The following NT5DC1 variants were observed in gnomAD, a reference collection of about 807,000 sequenced individuals.
NT5DC1 encodes the protein 5'-nucleotidase domain containing 1.
NT5DC1 carries 42 observed loss-of-function variants against 59.4 expected under a neutral mutation model. The ratio of observed to expected loss-of-function variants is 0.71; its 90% CI spans 0.55 to 0.92. The LOEUF is 0.92. Ranked by LOEUF, NT5DC1 falls within the 40% of genes least tolerant of loss-of-function variation. The pLI, the probability that NT5DC1 is intolerant of heterozygous loss-of-function variation, is 0.00. For missense variants in NT5DC1, 501 were observed against 537.1 expected (o/e 0.93, Z 0.66); for synonymous variants, 172 against 188.1 (o/e 0.91, Z 0.70).
chr6:116,101,076 G>A, intron 1 of NT5DC1, 53 bp downstream of exon 1: 1 of 1,348,082 alleles, frequency 7.4e-7, no homozygotes, highest in Non-Finnish European at 1.0e-6. Flanking sequence ...TGGCGGCTGG[G>A]GCTTGAGTTT....
chr6:116,151,209 T>C (rs781093003), intron 6 of NT5DC1, among the ~76,000 whole-genome samples: 6 of 152,278 alleles, frequency 3.9e-5, no homozygotes, highest in Admixed American at 2.6e-4. Context: ...CCATCACTTA[T>C]AAAATCCCAT....
chr6:116,225,172 T>C (rs1781883651), intron 8 of NT5DC1, among the ~76,000 whole-genome samples: 1 of 152,050 alleles, frequency 6.6e-6, no homozygotes, highest in Non-Finnish European at 1.5e-5. Context: ...GGAGTAGGGG[T>C]TATATCTGTT....
At chr6:116,215,053 C>A (rs1324751022) in intron 6 of NT5DC1, among the ~76,000 whole-genome samples, 1 of 152,016 alleles carries the variant, frequency 6.6e-6, no homozygotes, top group African/African-American at 2.4e-5. Flanking sequence ...CAGAATAGAA[C>A]CCAGTTATCA....
chr6:116,130,830 A>G (rs1306920851), intron 6 of NT5DC1, among the ~76,000 whole-genome samples: 1 of 152,012 alleles, frequency 6.6e-6, no homozygotes, highest in African/African-American at 2.4e-5. Context: ...ATTCCATGAT[A>G]CTCACAATTT....
intron 6 of NT5DC1, among the ~76,000 whole-genome samples, chr6:116,191,345 C>A (rs1230143995): frequency 1.3e-5 from 2 of 151,878 alleles, no homozygotes; most frequent in Non-Finnish European, 2.9e-5. Context: ...AACAAACAAA[C>A]AAAAGAAACC....
At chr6:116,124,355 A>G (rs1033745036) in intron 6 of NT5DC1, among the ~76,000 whole-genome samples, 20 of 152,184 alleles carry the variant, frequency 1.3e-4, no homozygotes, top group Non-Finnish European at 2.8e-4. Flanking sequence ...GATATTTTAT[A>G]GGCGGTCGTG....
Position 116,155,859 on chromosome 6 carries a change from A to T in NT5DC1, c.529+37914A>T, listed in dbSNP as rs776752107. On this transcript the variant is annotated intron_variant, in intron 6 of 11. Coordinates refer to ENST00000319550, the MANE Select transcript of NT5DC1 (RefSeq NM_152729.3). Reference sequence around the variant, plus strand: ...AGCAGATACAGAGCTTATACATTTTATGCTATCTTTTATATAAATGGAAGT... The same window carrying T: ...AGCAGATACAGAGCTTATACATTTTTTGCTATCTTTTATATAAATGGAAGT... Among the ~76,000 whole-genome samples the T allele has an allele frequency of 2.6e-5, 4 of 151,932 alleles. No homozygotes were observed. The East Asian group carries it at 5.8e-4, about 22-fold the overall frequency.
In NT5DC1 at chr6:116,199,013, T is replaced by A. The variant is rs144054138; in HGVS notation, c.530-22041T>A. Among the ~76,000 whole-genome samples the A allele has an allele frequency of 3.4e-3, 516 of 152,160 alleles. 4 individuals carry two copies. The highest frequency in any genetic ancestry group is 4.0e-3 in the Non-Finnish European group (273 of 67,966). On this transcript the variant is annotated intron_variant, in intron 6 of 11. Transcript: ENST00000319550. ...GGGTAATTCTTTGTTGGAGGAGCTG[T>A]TCTGTGCATTATATAATGTTTAGCA...
chr6:116,118,225 G>A, intron 6 of NT5DC1: 1 of 409,644 alleles, frequency 2.4e-6, no homozygotes, highest in Middle Eastern at 7.5e-4. Context: ...TTGAAGTCCA[G>A]TTTTGCTTTT....
At chr6:116,208,987 G>C (rs1482000861) in intron 6 of NT5DC1, among the ~76,000 whole-genome samples, 2 of 151,960 alleles carry the variant, frequency 1.3e-5, no homozygotes, top group Non-Finnish European at 2.9e-5. Flanking sequence ...TCTTTCATTA[G>C]TTTGATCACA....
intron 8 of NT5DC1, among the ~76,000 whole-genome samples, chr6:116,233,458 G>C (rs1437186143): frequency 1.3e-5 from 2 of 152,208 alleles, no homozygotes; most frequent in African/African-American, 4.8e-5. Context: ...TCCATCCTAA[G>C]TGAGAATTGT....
chr6:116,188,539 T>C (rs1781050925), intron 6 of NT5DC1, among the ~76,000 whole-genome samples: 1 of 152,012 alleles, frequency 6.6e-6, no homozygotes, highest in South Asian at 2.1e-4. Flanking sequence ...TAATACAGGA[T>C]ATACATATTC....
intron 3 of NT5DC1, among the ~76,000 whole-genome samples, chr6:116,109,936 G>A (rs758996681): frequency 3.9e-5 from 6 of 152,064 alleles, no homozygotes; most frequent in Non-Finnish European, 5.9e-5. Flanking sequence ...CCTTATCCTC[G>A]GAGGTTAGCT....
In NT5DC1 at chr6:116,121,686, G is replaced by C; in HGVS notation, c.529+3741G>C. The C allele has an allele frequency of 1.2e-6, 2 of 1,614,046 alleles. No homozygotes were observed. The highest frequency in any genetic ancestry group is 1.7e-6 in the Non-Finnish European group (2 of 1,179,998). The stretch of plus-strand genomic sequence containing the variant: ...ATTCCAGCCGGTCCAGGGATTCCAG[G>C]TGGTCCTGGTGGGCCCCGGGGTCCT... On this transcript the variant is annotated intron_variant, in intron 6 of 11. Coordinates refer to ENST00000319550, the MANE Select transcript of NT5DC1 (RefSeq NM_152729.3).
intron 4 of NT5DC1, among the ~76,000 whole-genome samples, chr6:116,111,521 A>T (rs1778874669): frequency 1.3e-5 from 2 of 152,246 alleles, no homozygotes; most frequent in Admixed American, 6.5e-5. Context: ...AATAGGGAAT[A>T]GTTAAATGTT....
chr6:116,182,039 C>T (rs552770698), intron 6 of NT5DC1, among the ~76,000 whole-genome samples: 21 of 152,064 alleles, frequency 1.4e-4, no homozygotes, highest in African/African-American at 5.1e-4. Flanking sequence ...CTTTCCTCCG[C>T]GTCCCCAAAG....
Position 116,146,924 on chromosome 6 carries a change from T to A in NT5DC1, c.529+28979T>A, listed in dbSNP as rs148936512. Among the ~76,000 whole-genome samples, 69 of 151,212 alleles carry A rather than the reference T, an allele frequency of 4.6e-4. 2 individuals carry two copies. Among genetic ancestry groups the A allele is most frequent in the Middle Eastern group, 3.4e-3 (1 of 290 alleles). On this transcript the variant is annotated intron_variant, in intron 6 of 11. Coordinates refer to ENST00000319550, the MANE Select transcript of NT5DC1 (RefSeq NM_152729.3). The stretch of plus-strand genomic sequence containing the variant: ...AAATTCCACAGAGATCAAAGGTCTA[T>A]GGATTAAAAAATAAATTATAAAACT...
intron 6 of NT5DC1, among the ~76,000 whole-genome samples, chr6:116,202,064 C>G (rs910898254): frequency 1.3e-5 from 2 of 151,864 alleles, no homozygotes; most frequent in Non-Finnish European, 2.9e-5. Flanking sequence ...ATGTGGCTAC[C>G]GAGCACTTGA....
At chr6:116,163,473 CTT>C (rs1294638506) in intron 6 of NT5DC1, among the ~76,000 whole-genome samples, 1 of 151,828 alleles carries the variant, frequency 6.6e-6, no homozygotes, top group Non-Finnish European at 1.5e-5. Flanking sequence ...TTAATGTTAT[CTT>C]TATCATTTCT....
Sources: gnomAD v4.1 joint callset for allele counts (sites outside exome capture counted in the v4.1 genomes callset) on GRCh38, gnomAD v4.1.1 for gene constraint, MANE v1.5 for transcripts, NCBI Gene and HGNC (gene_info 2026-07-23, HGNC 2026-07-21) for gene names.